The following INSL6 variants were observed in gnomAD, a reference collection of about 807,000 sequenced individuals.
The protein encoded by INSL6 is insulin like 6.
INSL6 carries 16 observed loss-of-function variants against 9.4 expected under a neutral mutation model. That is an observed-to-expected ratio of 1.70 (90% CI 1.15 to 2.59). The LOEUF is 2.59. Ranked by LOEUF, INSL6 falls within the 30% of genes most tolerant of loss-of-function variation. The pLI, the probability that INSL6 is intolerant of heterozygous loss-of-function variation, is 0.00. For missense variants in INSL6, 391 were observed against 257.3 expected (o/e 1.52, Z -3.56); for synonymous variants, 154 against 96.9 (o/e 1.59, Z -3.46).
chr9:5,009,254 C>T, the INSL6 span, among the ~76,000 whole-genome samples: 3 of 152,054 alleles, frequency 2.0e-5, no homozygotes, highest in African/African-American at 7.2e-5. Context: ...TTATTTATTT[C>T]TATAGGAAAT....
chr9:5,041,640 C>T, the INSL6 span: 1 of 502,886 alleles, frequency 2.0e-6, no homozygotes, highest in Non-Finnish European at 4.0e-6. Flanking sequence ...CTTTGAGAAG[C>T]TCGACTACGA....
the INSL6 span, chr9:5,112,589 G>T: frequency 1.4e-6 from 1 of 727,850 alleles, no homozygotes; most frequent in East Asian, 2.9e-5. Flanking sequence ...CCTTAAGAGG[G>T]CTCTTAAGGA....
At chr9:5,110,839 G>C in the INSL6 span, 1 of 462,948 alleles carries the variant, frequency 2.2e-6, no homozygotes. Context: ...GTTCGGGGAA[G>C]GTGGGGGGGA....
the INSL6 span, among the ~76,000 whole-genome samples, chr9:5,006,300 T>C: frequency 4.6e-5 from 7 of 152,224 alleles, no homozygotes; most frequent in African/African-American, 7.2e-5. Flanking sequence ...CTGTGTGTTA[T>C]TGGTGTATAA....
chr9:5,159,288 A>G (rs894829289), downstream of INSL6, among the ~76,000 whole-genome samples: 1 of 152,132 alleles, frequency 6.6e-6, no homozygotes, highest in African/African-American at 2.4e-5. Flanking sequence ...ATAAGTCCTT[A>G]CTTGTCAATA....
the INSL6 span, chr9:5,029,689 A>G: frequency 2.7e-6 from 3 of 1,128,018 alleles, no homozygotes; most frequent in Non-Finnish European, 3.7e-6. Flanking sequence ...CGATTTTAAG[A>G]GTTGTTACTT....
chr9:5,110,990 C>A, the INSL6 span: 17 of 657,936 alleles, frequency 2.6e-5, no homozygotes, highest in Non-Finnish European at 4.6e-5. Context: ...ATGATGTTCC[C>A]GCTGCCCGTT....
intron 1 of INSL6, among the ~76,000 whole-genome samples, chr9:5,175,523 G>T (rs12347990): frequency 1.3e-5 from 2 of 152,220 alleles, no homozygotes; most frequent in East Asian, 3.9e-4. Context: ...AAAACAGGGG[G>T]TCCCCAACCA....
intron 1 of INSL6, among the ~76,000 whole-genome samples, chr9:5,172,282 C>A (rs1273638414): frequency 6.6e-6 from 1 of 151,978 alleles, no homozygotes; most frequent in South Asian, 2.1e-4. Flanking sequence ...AACTGGACCA[C>A]TTCCCTACAC....
the INSL6 span, among the ~76,000 whole-genome samples, chr9:5,013,328 C>CA: frequency 6.6e-6 from 1 of 152,168 alleles, no homozygotes; most frequent in Admixed American, 6.5e-5. Flanking sequence ...GTAGGAAAAA[C>CA]ATAGTATATC....
chr9:5,019,171 C>T, the INSL6 span, among the ~76,000 whole-genome samples: 1 of 152,048 alleles, frequency 6.6e-6, no homozygotes, highest in East Asian at 1.9e-4. Context: ...TTTTCATTGT[C>T]TTCTAGAATA....
chr9:5,073,690 T>C, the INSL6 span: 1 of 1,601,276 alleles, frequency 6.2e-7, no homozygotes. Flanking sequence ...ACTTTTTTTT[T>C]TCCTTAGTCT....
At chr9:5,126,189 C>G in intron 3 of INSL6, 2 of 561,666 alleles carry the variant, frequency 3.6e-6, no homozygotes, top group Non-Finnish European at 6.3e-6. Flanking sequence ...GTTTTTGATC[C>G]TAAAAGTAGT....
the INSL6 span, among the ~76,000 whole-genome samples, chr9:5,063,165 G>C: frequency 6.6e-6 from 1 of 152,030 alleles, no homozygotes; most frequent in Non-Finnish European, 1.5e-5. Context: ...ATTGTTCATT[G>C]CTGGGCCAAG....
intron 2 of INSL6, among the ~76,000 whole-genome samples, chr9:5,139,293 C>A (rs1824444633): frequency 6.6e-6 from 1 of 151,868 alleles, no homozygotes; most frequent in South Asian, 2.1e-4. Flanking sequence ...AGTTTAGTGG[C>A]CATTTGTTCA....
chr9:5,177,913 T>C (rs1311630363), intron 1 of INSL6, among the ~76,000 whole-genome samples: 1 of 152,100 alleles, frequency 6.6e-6, no homozygotes, highest in Non-Finnish European at 1.5e-5. Flanking sequence ...TCTCGCTCTG[T>C]CACCCAGGCT....
downstream of INSL6, among the ~76,000 whole-genome samples, chr9:5,121,355 A>G (rs1823604661): frequency 6.6e-6 from 1 of 152,196 alleles, no homozygotes; most frequent in Admixed American, 6.5e-5. Context: ...GTCCTCAAGT[A>G]AGAAGACTTG....
At chr9:5,072,607 C>T in the INSL6 span, 1 of 1,606,336 alleles carries the variant, frequency 6.2e-7, no homozygotes, top group Non-Finnish European at 8.5e-7. Context: ...CTGGATAAAG[C>T]ACACAGAAAC....
chr9:5,165,826 G>C (rs184921248), intron 1 of INSL6, among the ~76,000 whole-genome samples: 3 of 152,212 alleles, frequency 2.0e-5, no homozygotes, highest in African/African-American at 7.2e-5. Context: ...TTCCATTATG[G>C]CCCTTGCTCA....
Sources: gnomAD v4.1 joint callset for allele counts (sites outside exome capture counted in the v4.1 genomes callset) on GRCh38, gnomAD v4.1.1 for gene constraint, MANE v1.5 for transcripts, NCBI Gene and HGNC (gene_info 2026-07-23, HGNC 2026-07-21) for gene names.